MON2: variants seen among roughly 807,000 people sequenced by gnomAD.
MON2 encodes protein MON2 homolog.
In MON2, 84 loss-of-function variants were observed where a neutral mutation model predicts 208.6. The ratio of observed to expected loss-of-function variants is 0.40; its 90% CI spans 0.34 to 0.48. The LOEUF is 0.48. Among genes scored for constraint, MON2 ranks in the 20% least tolerant of loss-of-function variants. The probability of loss-of-function intolerance (pLI) is 0.59; values close to 1 mark genes in which losing one functional copy is unlikely to be tolerated. For synonymous variants in MON2, 660 were observed against 694.0 expected, an observed-to-expected ratio of 0.95 and a Z score of 0.77; for missense variants, 1,611 against 2,015.4, an observed-to-expected ratio of 0.80 and a Z score of 3.84.
At chr12:62,532,187 CAG>C (rs1555169008) in intron 11 of MON2, among the ~76,000 whole-genome samples, 10 of 152,146 alleles carry the variant, frequency 6.6e-5, no homozygotes, top group East Asian at 1.9e-4. Flanking sequence ...TGGCACAACT[CAG>C]GGGAGAATGA....
rs2070912430 is a variant in MON2 at position 62,502,813 on chromosome 12, A to G, written c.789+1115A>G. ...TACTCATCTAGTGCCTTCCCCTACC[A>G]TGCTTCCTCCCTAAGTAATCCATTT... On this transcript the variant is annotated intron_variant, in intron 7 of 34. Transcript: ENST00000393630. 4.6e-5 allele frequency among the ~76,000 whole-genome samples: 7 copies of G among 152,270 alleles called. 1 individual carries two copies. The South Asian group carries it at 1.5e-3, about 32-fold the overall frequency.
At chr12:62,498,455 ATAAGTT>A (rs1259817630) in intron 4 of MON2, among the ~76,000 whole-genome samples, 3 of 152,214 alleles carry the variant, frequency 2.0e-5, no homozygotes, top group Non-Finnish European at 4.4e-5. Flanking sequence ...ATCAAATTAT[ATAAGTT>A]TAAGGGATTC....
At chr12:62,561,144 G>C in intron 26 of MON2, 31 bp downstream of exon 26, 3 of 1,526,390 alleles carry the variant, frequency 2.0e-6, no homozygotes, top group Non-Finnish European at 2.6e-6. Flanking sequence ...AAGTAATACT[G>C]CATATAGTTC....
intron 34 of MON2, among the ~76,000 whole-genome samples, chr12:62,590,400 T>G (rs1478894369): frequency 6.6e-6 from 1 of 152,122 alleles, no homozygotes; most frequent in Non-Finnish European, 1.5e-5. Context: ...AGCCAAGATT[T>G]TGTTTTCATC....
At chr12:62,548,781 A>C (rs1050352206) in intron 22 of MON2, among the ~76,000 whole-genome samples, 3 of 152,128 alleles carry the variant, frequency 2.0e-5, no homozygotes, top group Admixed American at 6.5e-5. Flanking sequence ...TATACTTATC[A>C]TTTTCATTAC....
chr12:62,538,018 T>G (rs2073061011), intron 16 of MON2, 78 bp from the exon 17 acceptor site: 2 of 1,304,902 alleles, frequency 1.5e-6, no homozygotes, highest in Non-Finnish European at 2.1e-6. Context: ...TAGAAGTTAC[T>G]ACTGATTTTA....
intron 19 of MON2, among the ~76,000 whole-genome samples, chr12:62,541,406 A>G (rs1351026436): frequency 6.6e-6 from 1 of 152,036 alleles, no homozygotes; most frequent in Non-Finnish European, 1.5e-5. Flanking sequence ...AAAGCTTGCA[A>G]ATTCTTTCTT....
chr12:62,557,941 TATATATATATATATATATA>T (rs2074035594), intron 25 of MON2, among the ~76,000 whole-genome samples: 12 of 39,224 alleles, frequency 3.1e-4, no homozygotes, highest in African/African-American at 9.6e-4. Flanking sequence ...TATATATATA[TATATATATATATATATATA>T]TATTTTTTTT....
At position 62,592,685 on chromosome 12, in the gene MON2, C is replaced by T. The variant is rs2075435745; in HGVS notation, c.5090C>T (p.Ala1697Val). The T allele has an allele frequency of 4.3e-6, 7 of 1,609,880 alleles. No individual in the cohort carries two copies. Among genetic ancestry groups the T allele is most frequent in the South Asian group, 2.2e-5 (2 of 90,608 alleles). The change falls in exon 35 of 35, where the codon GCA (alanine) becomes GTA (valine). Residue 1697 changes from alanine to valine, a missense_variant. Transcript: ENST00000393630. The stretch of plus-strand genomic sequence containing the variant: ...GAAGTCTGTTCTGCACTTAAAGAGG[C>T]ACTAGTTCCTTTTAAGGATTTCATG... ...SSEVCSALKE[A>V]LVPFKDFMQP...
chr12:62,493,038 T>C (rs2070263692), intron 2 of MON2, among the ~76,000 whole-genome samples: 3 of 151,566 alleles, frequency 2.0e-5, no homozygotes, highest in African/African-American at 7.3e-5. Flanking sequence ...CATACACACA[T>C]ACACACACAC....
At chr12:62,578,812 C>G (rs1370695874) in intron 31 of MON2, among the ~76,000 whole-genome samples, 1 of 152,148 alleles carries the variant, frequency 6.6e-6, no homozygotes, top group South Asian at 2.1e-4. Flanking sequence ...TATTTGAGAG[C>G]TTACTCTGCA....
intron 34 of MON2, among the ~76,000 whole-genome samples, chr12:62,591,329 C>G (rs1434164030): frequency 1.3e-5 from 2 of 152,166 alleles, no homozygotes; most frequent in African/African-American, 4.8e-5. Context: ...AGCTCTATTC[C>G]CCATTTCTTC....
chr12:62,477,599 T>C (rs982050630), intron 1 of MON2, among the ~76,000 whole-genome samples: 1 of 115,434 alleles, frequency 8.7e-6, no homozygotes, highest in Non-Finnish European at 1.8e-5. Flanking sequence ...TTTTTTTTTT[T>C]AGAGACAGCA....
chr12:62,553,544 A>T (rs1395151388), intron 24 of MON2, among the ~76,000 whole-genome samples: 1 of 152,156 alleles, frequency 6.6e-6, no homozygotes, highest in African/African-American at 2.4e-5. Flanking sequence ...TGTTTGTTTT[A>T]CTTTTGAGGT....
chr12:62,600,142 TA>T lies in MON2; in HGVS notation c.*7394del, dbSNP rs2075595487. 6.6e-6 allele frequency: 1 copy of T among 152,224 alleles called. No individual in the cohort carries two copies. Among genetic ancestry groups the T allele is most frequent in the African/African-American group, 2.4e-5 (1 of 41,456 alleles). 9.4% of individuals were successfully genotyped at this position (152,224 alleles called of 1,614,324 possible). On this transcript the variant is annotated 3_prime_UTR_variant, in exon 35 of 35. Coordinates refer to ENST00000393630, the MANE Select transcript of MON2 (RefSeq NM_015026.3). ...CTCTGTGAAATGGAGTTAATCGTGG[TA>T]TTTAACAGAATTCAAAATGTAGTGT...
chr12:62,500,255 T>C (rs1463029795), intron 5 of MON2, among the ~76,000 whole-genome samples: 1 of 152,184 alleles, frequency 6.6e-6, no homozygotes, highest in African/African-American at 2.4e-5. Flanking sequence ...TGTCATAACT[T>C]ACAGAGAATG....
intron 26 of MON2, among the ~76,000 whole-genome samples, chr12:62,562,319 A>G (rs1470270165): frequency 2.0e-5 from 3 of 151,644 alleles, no homozygotes; most frequent in Non-Finnish European, 2.9e-5. Context: ...TTTTTTTCAG[A>G]AAAAAATGTA....
chr12:62,498,129 A>G (rs2070632172), intron 4 of MON2, among the ~76,000 whole-genome samples: 1 of 152,052 alleles, frequency 6.6e-6, no homozygotes, highest in Non-Finnish European at 1.5e-5. Flanking sequence ...GTGTACTCGT[A>G]CAATAGAATA....
chr12:62,486,599 A>G (rs970756311), intron 2 of MON2, among the ~76,000 whole-genome samples: 1 of 152,184 alleles, frequency 6.6e-6, no homozygotes, highest in African/African-American at 2.4e-5. Flanking sequence ...ATAGACCACT[A>G]TCATCTTGAA....
Sources: allele counts gnomAD v4.1 joint callset (sites outside exome capture counted in the v4.1 genomes callset), GRCh38; gene constraint gnomAD v4.1.1; transcripts MANE v1.5; gene names NCBI Gene and HGNC (gene_info 2026-07-23, HGNC 2026-07-21).